The following GALNTL6 variants were observed in gnomAD, a reference collection of about 807,000 sequenced individuals.
GALNTL6 encodes polypeptide N-acetylgalactosaminyltransferase like 6, also known as polypeptide N-acetylgalactosaminyltransferase-like 6.
GALNTL6 carries 46 observed loss-of-function variants against 73.7 expected under a neutral mutation model. That is an observed-to-expected ratio of 0.62 (90% CI 0.49 to 0.80). The LOEUF is 0.80. Among genes scored for constraint, GALNTL6 ranks in the 30% least tolerant of loss-of-function variants. The pLI is 0.00. For missense variants in GALNTL6, 604 were observed against 755.0 expected (o/e 0.80, Z 2.34); for synonymous variants, 259 against 263.7 (o/e 0.98, Z 0.17).
At position 172,511,888 on chromosome 4, in the gene GALNTL6, G is replaced by A. The variant is rs1734448629; in HGVS notation, c.553+163199G>A. Among the ~76,000 whole-genome samples the A allele has an allele frequency of 3.6e-5, 2 of 55,052 alleles. 1 individual carries two copies. 36.1% of individuals were successfully genotyped at this position (55,052 alleles called of 152,430 possible). ...GTCTATCTTGGAGAATGTTCCATGA[G>A]CTGATAAATGAGTATATATTCTGCA... On this transcript the variant is annotated intron_variant, in intron 5 of 12. Transcript: ENST00000506823.
At chr4:172,457,720 A>T (rs1376773631) in intron 5 of GALNTL6, among the ~76,000 whole-genome samples, 2 of 152,206 alleles carry the variant, frequency 1.3e-5, no homozygotes, top group Non-Finnish European at 2.9e-5. Context: ...AAGTTATTAG[A>T]GTGATACAAA....
chr4:172,083,778 G>A (rs867932764), intron 2 of GALNTL6, among the ~76,000 whole-genome samples: 1 of 152,092 alleles, frequency 6.6e-6, no homozygotes, highest in African/African-American at 2.4e-5. Context: ...CTCCATTACA[G>A]CATAAGCTAC....
At chr4:171,867,273 A>AT (rs1735995248) in intron 2 of GALNTL6, among the ~76,000 whole-genome samples, 1 of 152,186 alleles carries the variant, frequency 6.6e-6, no homozygotes, top group South Asian at 2.1e-4. Context: ...TATTAATTCA[A>AT]TGTTTCCCAA....
chr4:172,120,534 T>G lies in GALNTL6; in HGVS notation c.139-109122T>G, dbSNP rs186481752. On this transcript the variant is annotated intron_variant, in intron 2 of 12. Coordinates refer to ENST00000506823, the MANE Select transcript of GALNTL6 (RefSeq NM_001034845.3). ...TCTCTTCATCCCCATATCCTTGACT[T>G]GACCACATCTGCAAAGTTCTTTTTC... Among the ~76,000 whole-genome samples the G allele has an allele frequency of 1.6e-4, 24 of 152,298 alleles. No individual in the cohort carries two copies. In the East Asian group the frequency reaches 2.9e-3, roughly 18 times the overall value.
Position 172,888,126 on chromosome 4 carries a change from A to C in GALNTL6, c.1041+5219A>C, listed in dbSNP as rs1482388221. ...ACATAGTTTGCAAATATTTTCTCCC[A>C]TTCTGTGGGTTGTTTGTGTACTCTG... On this transcript the variant is annotated intron_variant, in intron 8 of 12. Transcript: ENST00000506823. Among the ~76,000 whole-genome samples, 6 of 152,254 alleles carry C rather than the reference A, an allele frequency of 3.9e-5. No individual in the cohort carries two copies. The East Asian group carries it at 1.2e-3, about 29-fold the overall frequency.
rs924886116 is a variant in GALNTL6, at chr4:172,522,669, C to T, written c.553+173980C>T. Among the ~76,000 whole-genome samples the T allele has an allele frequency of 2.6e-4, 17 of 65,780 alleles. No homozygotes were observed. In the South Asian group the frequency reaches 4.8e-3, roughly 19 times the overall value. The allele number at this position is 65,780 out of a possible 152,430, so 43.2% of individuals were successfully genotyped here. ...TGGGTAACGAGTGAAACTCAGTCCC[C>T]CCCCCCCCCAAAAAAAAAGTGTATT... On this transcript the variant is annotated intron_variant, in intron 5 of 12. Coordinates refer to ENST00000506823, the MANE Select transcript of GALNTL6 (RefSeq NM_001034845.3).
chr4:172,428,366 A>T (rs1731305082), intron 5 of GALNTL6, among the ~76,000 whole-genome samples: 1 of 152,178 alleles, frequency 6.6e-6, no homozygotes, highest in Admixed American at 6.5e-5. Context: ...AAATGGCGTT[A>T]GGAAACTGAC....
chr4:171,867,221 A>G (rs1448508893), intron 2 of GALNTL6, among the ~76,000 whole-genome samples: 1 of 152,132 alleles, frequency 6.6e-6, no homozygotes, highest in Non-Finnish European at 1.5e-5. Flanking sequence ...AACATTCATA[A>G]TGTCAAATGT....
intron 2 of GALNTL6, among the ~76,000 whole-genome samples, chr4:172,156,540 A>AGTGTATATGT (rs58197299): frequency 8.0e-6 from 1 of 125,186 alleles, no homozygotes; most frequent in Admixed American, 8.0e-5. Context: ...ATATATATAT[A>AGTGTATATGT]ATATATATAT....
At chr4:172,738,149 A>G (rs1028702430) in intron 5 of GALNTL6, among the ~76,000 whole-genome samples, 9 of 152,236 alleles carry the variant, frequency 5.9e-5, no homozygotes, top group African/African-American at 2.2e-4. Context: ...GGTGAACCCA[A>G]GAAAATGGGG....
At chr4:173,039,357 T>C (rs1207386680) in intron 12 of GALNTL6, among the ~76,000 whole-genome samples, 1 of 152,224 alleles carries the variant, frequency 6.6e-6, no homozygotes, top group East Asian at 1.9e-4. Context: ...CAAACTCATA[T>C]TCATCTTCTG....
chr4:172,754,237 C>CACATACAT (rs1045747626), intron 5 of GALNTL6, among the ~76,000 whole-genome samples: 3 of 152,156 alleles, frequency 2.0e-5, no homozygotes, highest in African/African-American at 7.2e-5. Context: ...GTAGTATACA[C>CACATACAT]ACATACATAC....
intron 5 of GALNTL6, among the ~76,000 whole-genome samples, chr4:172,490,404 A>T (rs974168137): frequency 6.6e-6 from 1 of 152,140 alleles, no homozygotes; most frequent in African/African-American, 2.4e-5. Flanking sequence ...ATAATTTCTA[A>T]TATGTTACTG....
intron 10 of GALNTL6, among the ~76,000 whole-genome samples, chr4:172,998,660 C>T (rs1264567672): frequency 6.6e-6 from 1 of 152,142 alleles, no homozygotes; most frequent in Non-Finnish European, 1.5e-5. Context: ...ATCCAACAGC[C>T]TCTCCCTAGG....
intron 12 of GALNTL6, among the ~76,000 whole-genome samples, chr4:173,031,484 T>G (rs76117328): frequency 6.6e-6 from 1 of 152,194 alleles, no homozygotes; most frequent in Non-Finnish European, 1.5e-5. Flanking sequence ...GTGCACTCTT[T>G]CCGGCATCTA....
At chr4:172,087,467 A>C (rs1159384282) in intron 2 of GALNTL6, among the ~76,000 whole-genome samples, 235 of 149,292 alleles carry the variant, frequency 1.6e-3, no homozygotes, top group African/African-American at 5.8e-3. Flanking sequence ...AACAAAAAAA[A>C]CAAAAAAAAC....
chr4:172,015,289 C>T (rs1741151886), intron 2 of GALNTL6, among the ~76,000 whole-genome samples: 1 of 151,920 alleles, frequency 6.6e-6, no homozygotes. Flanking sequence ...TTGGACTACT[C>T]CCTTTATCAT....
intron 5 of GALNTL6, among the ~76,000 whole-genome samples, chr4:172,710,542 C>A (rs528581653): frequency 6.6e-6 from 1 of 152,212 alleles, no homozygotes; most frequent in African/African-American, 2.4e-5. Context: ...GTTATGGAAA[C>A]CTCAAGCTAT....
intron 2 of GALNTL6, among the ~76,000 whole-genome samples, chr4:172,218,006 C>G (rs1736548720): frequency 6.6e-6 from 1 of 152,056 alleles, no homozygotes; most frequent in South Asian, 2.1e-4. Flanking sequence ...TCTTTCAGCT[C>G]TTTCAGCTCT....
Sources: gnomAD v4.1 joint callset for allele counts (sites outside exome capture counted in the v4.1 genomes callset) on GRCh38, gnomAD v4.1.1 for gene constraint, MANE v1.5 for transcripts, NCBI Gene and HGNC (gene_info 2026-07-23, HGNC 2026-07-21) for gene names.